The following CNTN4 variants were observed in gnomAD, a reference collection of about 807,000 sequenced individuals.
CNTN4 encodes contactin 4, also known as contactin-4.
CNTN4 carries 77 observed loss-of-function variants against 122.5 expected under a neutral mutation model. That is an observed-to-expected ratio of 0.63 (90% CI 0.52 to 0.76). CNTN4 has a LOEUF of 0.76. Among genes scored for constraint, CNTN4 ranks in the 30% least tolerant of loss-of-function variants. The pLI, the probability that CNTN4 is intolerant of heterozygous loss-of-function variation, is 0.00. For synonymous variants in CNTN4, 512 were observed against 447.0 expected (o/e 1.15, Z -1.83); for missense variants, 1,256 against 1,259.1 (o/e 1.00, Z 0.04).
intron 13 of CNTN4, chr3:2,927,499 G>A: frequency 3.3e-6 from 1 of 302,118 alleles, no homozygotes; most frequent in Non-Finnish European, 6.6e-6. Context: ...AACTCAGCAG[G>A]GAAATATAAT....
intron 4 of CNTN4, among the ~76,000 whole-genome samples, chr3:2,669,021 A>G (rs1003960866): frequency 6.6e-6 from 1 of 152,100 alleles, no homozygotes; most frequent in African/African-American, 2.4e-5. Flanking sequence ...TTTTGCATCG[A>G]TGTTCATCAG....
At chr3:2,380,180 C>T (rs1413914171) in intron 3 of CNTN4, among the ~76,000 whole-genome samples, 3 of 152,020 alleles carry the variant, frequency 2.0e-5, no homozygotes, top group Admixed American at 2.0e-4. Context: ...TTCCTCTATC[C>T]ATTGTGTTTT....
chr3:2,808,150 G>A (rs2092514179), intron 6 of CNTN4, among the ~76,000 whole-genome samples: 1 of 152,140 alleles, frequency 6.6e-6, no homozygotes, highest in African/African-American at 2.4e-5. Flanking sequence ...TTGAAGCAGG[G>A]TTTTTCATGA....
chr3:2,293,613 TAAAC>T (rs899015235), intron 2 of CNTN4, among the ~76,000 whole-genome samples: 1 of 151,942 alleles, frequency 6.6e-6, no homozygotes, highest in Non-Finnish European at 1.5e-5. Flanking sequence ...TGGCACATAA[TAAAC>T]AAGATAAATG....
intron 2 of CNTN4, among the ~76,000 whole-genome samples, chr3:2,300,721 G>A (rs370676688): frequency 3.3e-5 from 5 of 151,480 alleles, no homozygotes; most frequent in Admixed American, 1.3e-4. Context: ...ACAGGCGCGC[G>A]CCACCATGCC....
chr3:2,172,475 A>C (rs1377742509), intron 2 of CNTN4, among the ~76,000 whole-genome samples: 1 of 152,150 alleles, frequency 6.6e-6, no homozygotes, highest in African/African-American at 2.4e-5. Context: ...TGATGGCTGC[A>C]ACAAAATCCC....
At chr3:2,230,325 G>T (rs563767101) in intron 2 of CNTN4, among the ~76,000 whole-genome samples, 1 of 152,180 alleles carries the variant, frequency 6.6e-6, no homozygotes, top group South Asian at 2.1e-4. Flanking sequence ...TATACCTTGC[G>T]TGATTTTCCC....
chr3:3,057,871 C>T lies in CNTN4; in HGVS notation c.*1651C>T, dbSNP rs1485282553. On this transcript the variant is annotated 3_prime_UTR_variant, in exon 25 of 25. Transcript: ENST00000418658. ...AAAAAAATGACACCCAGGGAGTTCC[C>T]AACCCCAGTGTAAATGATATTTACC... is the stretch of plus-strand genomic sequence containing the variant. The T allele has an allele frequency of 6.6e-6, 1 of 152,438 alleles. No individual in the cohort carries two copies. Among genetic ancestry groups the T allele is most frequent in the Non-Finnish European group, 1.5e-5 (1 of 68,008 alleles). The allele number at this position is 152,438 out of a possible 1,614,324, so 9.4% of individuals were successfully genotyped here. A position where few individuals can be genotyped will look rare whatever the true frequency, so the allele number is the denominator to read the frequency against.
At chr3:2,983,654 AAAC>A (rs1467658157) in intron 13 of CNTN4, among the ~76,000 whole-genome samples, 1 of 152,214 alleles carries the variant, frequency 6.6e-6, no homozygotes, top group African/African-American at 2.4e-5. Flanking sequence ...CCATTTTTAC[AAAC>A]AAGGAAGCTG....
At chr3:2,964,852 CTT>C (rs1037633637) in intron 13 of CNTN4, among the ~76,000 whole-genome samples, 3 of 152,116 alleles carry the variant, frequency 2.0e-5, no homozygotes, top group Non-Finnish European at 2.9e-5. Context: ...CAAGTTTCTC[CTT>C]CCACAACTGC....
intron 8 of CNTN4, among the ~76,000 whole-genome samples, chr3:2,873,962 A>T (rs113374131): frequency 0.018 from 2,685 of 152,286 alleles, 85 homozygotes; most frequent in African/African-American, 0.061. Context: ...TCATGTCTTG[A>T]TTTTAATTCT....
intron 7 of CNTN4, among the ~76,000 whole-genome samples, chr3:2,825,355 C>A (rs1198460640): frequency 6.6e-6 from 1 of 152,216 alleles, no homozygotes; most frequent in South Asian, 2.1e-4. Flanking sequence ...TACCGAGTAT[C>A]TGGGACTACA....
chr3:2,134,791 G>T (rs1488619183), intron 2 of CNTN4, among the ~76,000 whole-genome samples: 1 of 152,192 alleles, frequency 6.6e-6, no homozygotes, highest in East Asian at 1.9e-4. Flanking sequence ...AGCTTATGCG[G>T]CAGTCATGTG....
At chr3:2,227,991 C>A (rs1417412190) in intron 2 of CNTN4, among the ~76,000 whole-genome samples, 1 of 152,050 alleles carries the variant, frequency 6.6e-6, no homozygotes, top group African/African-American at 2.4e-5. Flanking sequence ...GAAAGATCTG[C>A]AAATTAAGGG....
chr3:2,650,000 T>G (rs2083291304), intron 4 of CNTN4, among the ~76,000 whole-genome samples: 1 of 147,970 alleles, frequency 6.8e-6, no homozygotes, highest in Non-Finnish European at 1.5e-5. Flanking sequence ...GATAGATATT[T>G]TACATATAAA....
intron 4 of CNTN4, among the ~76,000 whole-genome samples, chr3:2,731,124 A>T (rs570808085): frequency 6.6e-6 from 1 of 151,914 alleles, no homozygotes; most frequent in Non-Finnish European, 1.5e-5. Flanking sequence ...GGAAAATTCT[A>T]TGATTCTGTG....
chr3:2,211,031 A>AT (rs2038593220), intron 2 of CNTN4, among the ~76,000 whole-genome samples: 1 of 152,144 alleles, frequency 6.6e-6, no homozygotes, highest in African/African-American at 2.4e-5. Flanking sequence ...AAACTGGGTA[A>AT]TTTGTAAGAA....
At chr3:2,130,135 C>G (rs1182239964) in intron 2 of CNTN4, among the ~76,000 whole-genome samples, 2 of 152,024 alleles carry the variant, frequency 1.3e-5, no homozygotes, top group African/African-American at 4.8e-5. Flanking sequence ...AATTATAATT[C>G]TTATTTTTAT....
chr3:2,631,195 G>C (rs1465973576), intron 4 of CNTN4, among the ~76,000 whole-genome samples: 1 of 152,142 alleles, frequency 6.6e-6, no homozygotes, highest in Non-Finnish European at 1.5e-5. Flanking sequence ...ATTAGCTTAA[G>C]GGGGAAAAAG....
Sources: gnomAD v4.1 joint callset for allele counts (sites outside exome capture counted in the v4.1 genomes callset) on GRCh38, gnomAD v4.1.1 for gene constraint, MANE v1.5 for transcripts, NCBI Gene and HGNC (gene_info 2026-07-23, HGNC 2026-07-21) for gene names.